The following ELOVL5 variants were observed in gnomAD, a reference collection of about 807,000 sequenced individuals.
ELOVL5 encodes very long chain fatty acid elongase 5.
Under a neutral mutation model 38.6 loss-of-function variants are expected in ELOVL5, and 8 were observed. The ratio of observed to expected loss-of-function variants is 0.21; its 90% CI spans 0.12 to 0.37. The LOEUF (loss-of-function observed/expected upper bound fraction) is 0.37. Among genes scored for constraint, ELOVL5 ranks in the 10% least tolerant of loss-of-function variants. ELOVL5 has a pLI of 1.00. For synonymous variants in ELOVL5, 127 were observed against 133.7 expected (o/e 0.95, Z 0.34); for missense variants, 280 against 367.8 (o/e 0.76, Z 1.95).
At chr6:53,269,499 T>G (rs373171370) in intron 7 of ELOVL5, among the ~76,000 whole-genome samples, 3 of 152,178 alleles carry the variant, frequency 2.0e-5, no homozygotes, top group Non-Finnish European at 4.4e-5. Flanking sequence ...AATCACAGGC[T>G]GCAACAGAAA....
intron 1 of ELOVL5, among the ~76,000 whole-genome samples, chr6:53,329,622 G>A (rs1053032413): frequency 6.6e-6 from 1 of 152,116 alleles, no homozygotes; most frequent in Non-Finnish European, 1.5e-5. Flanking sequence ...TCAGGAGTTC[G>A]AGACCAGCCT....
intron 1 of ELOVL5, among the ~76,000 whole-genome samples, chr6:53,301,955 T>C (rs531712432): frequency 6.6e-6 from 1 of 152,092 alleles, no homozygotes; most frequent in Non-Finnish European, 1.5e-5. Context: ...AGCAAGAGAG[T>C]GTGAGGGAGT....
chr6:53,304,705 T>G (rs1174427616), intron 1 of ELOVL5, among the ~76,000 whole-genome samples: 1 of 152,088 alleles, frequency 6.6e-6, no homozygotes, highest in Non-Finnish European at 1.5e-5. Flanking sequence ...TAACCCTGAG[T>G]GGACACAGCA....
At chr6:53,279,086 T>C (rs1270363824) in intron 3 of ELOVL5, among the ~76,000 whole-genome samples, 1 of 152,260 alleles carries the variant, frequency 6.6e-6, no homozygotes, top group Non-Finnish European at 1.5e-5. Context: ...CCTAGCTTTT[T>C]CACGTTTTGC....
At chr6:53,312,660 G>A (rs1198161030) in intron 1 of ELOVL5, among the ~76,000 whole-genome samples, 1 of 152,198 alleles carries the variant, frequency 6.6e-6, no homozygotes, top group African/African-American at 2.4e-5. Context: ...GGGGGAAACA[G>A]GGTAGAGAGT....
intron 1 of ELOVL5, among the ~76,000 whole-genome samples, chr6:53,322,047 A>G (rs1768323088): frequency 6.6e-6 from 1 of 152,244 alleles, no homozygotes; most frequent in African/African-American, 2.4e-5. Context: ...AAAACCTCTA[A>G]GAAGTATTAT....
At chr6:53,280,140 G>C (rs1281332973) in intron 3 of ELOVL5, among the ~76,000 whole-genome samples, 1 of 152,216 alleles carries the variant, frequency 6.6e-6, no homozygotes, top group African/African-American at 2.4e-5. Flanking sequence ...ACCACAGGGT[G>C]AGAGGACCCA....
chr6:53,330,616 A>G (rs1246919238), intron 1 of ELOVL5, among the ~76,000 whole-genome samples: 2 of 139,890 alleles, frequency 1.4e-5, no homozygotes, highest in East Asian at 4.2e-4. Flanking sequence ...CGAACTCCTG[A>G]CCTCAAGTGA....
At chr6:53,315,156 G>C (rs1786942038) in intron 1 of ELOVL5, among the ~76,000 whole-genome samples, 1 of 152,170 alleles carries the variant, frequency 6.6e-6, no homozygotes, top group Non-Finnish European at 1.5e-5. Flanking sequence ...TAGGCTCCTG[G>C]TAAGGGTCCT....
chr6:53,319,125 G>T (rs550910271), intron 1 of ELOVL5, among the ~76,000 whole-genome samples: 2 of 151,934 alleles, frequency 1.3e-5, no homozygotes, highest in South Asian at 4.2e-4. Context: ...CAAAAAATTA[G>T]CTGGGCGCAG....
chr6:53,298,900 CGG>C (rs35819949), intron 1 of ELOVL5, among the ~76,000 whole-genome samples: 2 of 79,404 alleles, frequency 2.5e-5, no homozygotes, highest in Non-Finnish European at 5.2e-5. Flanking sequence ...GGGGGCAAGG[CGG>C]GGGGGGGGAG....
intron 1 of ELOVL5, among the ~76,000 whole-genome samples, chr6:53,320,332 A>G (rs1372584532): frequency 6.6e-6 from 1 of 151,190 alleles, no homozygotes; most frequent in African/African-American, 2.4e-5. Context: ...AAACAACCCC[A>G]CATTTCTTTT....
chr6:53,287,811 AAC>A (rs1440971595), intron 3 of ELOVL5: 3 of 1,481,754 alleles, frequency 2.0e-6, no homozygotes, highest in African/African-American at 2.8e-5. Flanking sequence ...CCATCCTTTC[AAC>A]ACAGTGTTCC....
chr6:53,345,462 T>C (rs1329345364), intron 1 of ELOVL5, among the ~76,000 whole-genome samples: 1 of 93,852 alleles, frequency 1.1e-5, no homozygotes, highest in Non-Finnish European at 2.7e-5. Context: ...TCTGACTCTC[T>C]TTTGGTCCAA....
At chr6:53,316,318 T>G (rs1453334900) in intron 1 of ELOVL5, among the ~76,000 whole-genome samples, 1 of 151,804 alleles carries the variant, frequency 6.6e-6, no homozygotes, top group East Asian at 1.9e-4. Flanking sequence ...TGACAAGGTA[T>G]GTACAGGAGA....
rs571266228 is a variant in ELOVL5, at chr6:53,283,488, G to A, written c.247-7232C>T. ...AGCTTTTAATAGAATACTTAAAAAG[G>A]CAACACAGCAAATGGTTAAATTTGG... On this transcript the variant is annotated intron_variant, in intron 3 of 7. Transcript: ENST00000304434. Among the ~76,000 whole-genome samples, 42 of 152,226 alleles carry A rather than the reference G, an allele frequency of 2.8e-4. 1 individual carries two copies. In the South Asian group the frequency reaches 8.3e-3, roughly 30 times the overall value.
At chr6:53,305,976 C>T (rs1489300266) in intron 1 of ELOVL5, among the ~76,000 whole-genome samples, 3 of 151,894 alleles carry the variant, frequency 2.0e-5, no homozygotes, top group Non-Finnish European at 4.4e-5. Flanking sequence ...CCGAGGCTGG[C>T]GGATCACTCG....
At position 53,269,166 on chromosome 6, in the gene ELOVL5, C is replaced by A. The variant is rs41273878; in HGVS notation, c.861G>T (p.Leu287=). 0.028 allele frequency: 44,920 copies of A among 1,613,836 alleles called. 793 individuals are homozygous for A. The highest frequency in any genetic ancestry group is 0.034 in the Non-Finnish European group (39,724 of 1,179,870). Residue 287 remains leucine, a synonymous_variant, in exon 8 of 8, where the codon CTG becomes CTT. Coordinates refer to ENST00000304434, the MANE Select transcript of ELOVL5 (RefSeq NM_021814.5). ...GCTTCCTTGGCTTCACATTGTTTTC[C>A]AGGGGTGAAAAGCTGTTGGTGTGTC... is the stretch of plus-strand genomic sequence containing the variant. ...VNGHTNSFSP[L]ENNVKPRKLR...
At chr6:53,347,470 G>A (rs1410873128) in intron 1 of ELOVL5, among the ~76,000 whole-genome samples, 1 of 152,176 alleles carries the variant, frequency 6.6e-6, no homozygotes, top group Non-Finnish European at 1.5e-5. Context: ...TGCACGAAAT[G>A]CTTTTGGCTG....
Sources: gnomAD v4.1 joint callset for allele counts (sites outside exome capture counted in the v4.1 genomes callset) on GRCh38, gnomAD v4.1.1 for gene constraint, MANE v1.5 for transcripts, NCBI Gene and HGNC (gene_info 2026-07-23, HGNC 2026-07-21) for gene names.